The following ASPM variants were observed in gnomAD, a reference collection of about 807,000 sequenced individuals.
The protein encoded by ASPM is assembly factor for spindle microtubules, also known as abnormal spindle-like microcephaly-associated protein.
In ASPM, 256 loss-of-function variants were observed where a neutral mutation model predicts 366.4. That is an observed-to-expected ratio of 0.70 (90% CI 0.63 to 0.77). ASPM has a LOEUF of 0.77. Among genes scored for constraint, ASPM ranks in the 30% least tolerant of loss-of-function variants. The probability of loss-of-function intolerance (pLI) is 0.00; values close to 1 mark genes in which losing one functional copy is unlikely to be tolerated. For missense variants in ASPM, 4,146 were observed against 4,090.4 expected, an observed-to-expected ratio of 1.01 and a Z score of -0.37; for synonymous variants, 1,414 against 1,342.9, an observed-to-expected ratio of 1.05 and a Z score of -1.16.
At chr1:197,111,631 T>C (rs1260033221) in intron 17 of ASPM, among the ~76,000 whole-genome samples, 1 of 152,076 alleles carries the variant, frequency 6.6e-6, no homozygotes, top group African/African-American at 2.4e-5. Flanking sequence ...GATTCATATG[T>C]TCATCGCAGA....
intron 18 of ASPM, 24 bp from the exon 19 acceptor site, chr1:197,096,188 A>C (rs1458904905): frequency 3.9e-6 from 6 of 1,549,348 alleles, no homozygotes; most frequent in Non-Finnish European, 5.3e-6. Context: ...AAATATAACA[A>C]GTATGCAATG....
At chr1:197,118,361 A>T (rs530294393) in intron 16 of ASPM, among the ~76,000 whole-genome samples, 1 of 152,282 alleles carries the variant, frequency 6.6e-6, no homozygotes, top group Non-Finnish European at 1.5e-5. Flanking sequence ...ATTGTATGAA[A>T]AAAAGAATGT....
In ASPM at chr1:197,124,220, T is replaced by C. The variant is rs750253129; in HGVS notation, c.3280A>G (p.Ile1094Val). 5 of 1,610,050 alleles carry C rather than the reference T, an allele frequency of 3.1e-6. No individual in the cohort carries two copies. In the East Asian group the frequency reaches 6.7e-5, roughly 22 times the overall value. ...SLLSCHSDDL[I>V]NKKKGKRDSG... is the part of the protein sequence containing the mutation. ...TCCCTTTTGCCTTTTTTCTTATTAATAAGATCATCAGAATGGCATGATAGT... is the reference window on the plus strand; with the variant it reads ...TCCCTTTTGCCTTTTTTCTTATTAACAAGATCATCAGAATGGCATGATAGT... Residue 1094 changes from isoleucine to valine, a missense_variant, in exon 13 of 28, where the codon ATT becomes GTT. This residue lies in a region of ASPM where 3,624 missense variants were observed against 3,591.7 expected (regional missense o/e 1.01). Transcript: ENST00000367409.
Position 197,143,927 on chromosome 1 carries a change from G to C in ASPM, c.441+30C>G, listed in dbSNP as rs766721588. On this transcript the variant is annotated intron_variant, in intron 2 of 27. Coordinates refer to ENST00000367409, the MANE Select transcript of ASPM (RefSeq NM_018136.5). ...TTATTTATTATTAAACAATTTCTTA[G>C]AGTAAATCACAGAATGGTTAAAACA... 3 of 1,578,318 alleles carry C rather than the reference G, an allele frequency of 1.9e-6. No homozygotes were observed. The South Asian group carries it at 3.4e-5, about 18-fold the overall frequency.
rs761224937 is a variant in ASPM, at chr1:197,143,252, ATTCTAG to A, written c.994_999del (p.Glu333_Leu334del). On this transcript the variant is annotated inframe_deletion, in exon 3 of 28. Transcript: ENST00000367409. ...ATATCTGATGAAAGACATGTTACTA[ATTCTAG>A]TTCATTATTAGCTCCATGACTATTA... is the stretch of plus-strand genomic sequence containing the variant. 6.2e-7 allele frequency: 1 copy of A among 1,612,502 alleles called. No individual in the cohort carries two copies. Among genetic ancestry groups the A allele is most frequent in the Non-Finnish European group, 8.5e-7 (1 of 1,178,716 alleles).
At chr1:197,139,320 G>T in intron 4 of ASPM, 1 of 742,750 alleles carries the variant, frequency 1.3e-6, no homozygotes, top group South Asian at 1.5e-5. Context: ...TTTTTGGCCG[G>T]GCGCGGTGGC....
chr1:197,090,101 A>C lies in ASPM; in HGVS notation c.9830-17T>G, dbSNP rs1266580670. On this transcript the variant is annotated splice_polypyrimidine_tract_variant and intron_variant, in intron 24 of 27. Transcript: ENST00000367409. ...TAACTACCTCTGAAAGAAAAAAAAA[A>C]CACACACACACAGGTAAATTTACAG... 21 of 1,607,470 alleles carry C rather than the reference A, an allele frequency of 1.3e-5. No homozygotes were observed. The highest frequency in any genetic ancestry group is 3.3e-4 in the Middle Eastern group (2 of 6,058).
chr1:197,090,807 G>C, intron 23 of ASPM, 43 bp downstream of exon 23: 1 of 1,557,912 alleles, frequency 6.4e-7, no homozygotes, highest in Non-Finnish European at 8.8e-7. Flanking sequence ...TAGATGAATT[G>C]CAAACTAAAG....
chr1:197,132,223 C>T (rs1658276123), intron 7 of ASPM, 62 bp downstream of exon 7: 11 of 1,257,660 alleles, frequency 8.7e-6, no homozygotes. Flanking sequence ...TAAAATGAGT[C>T]TATTCTACAA....
At chr1:197,120,023 T>G (rs184231617) in intron 16 of ASPM, among the ~76,000 whole-genome samples, 1 of 152,136 alleles carries the variant, frequency 6.6e-6, no homozygotes, top group East Asian at 1.9e-4. Flanking sequence ...GTGAGGTAAT[T>G]GTATAAAAGA....
At chr1:197,086,133 T>C (rs1000041576) in intron 27 of ASPM, among the ~76,000 whole-genome samples, 1 of 152,112 alleles carries the variant, frequency 6.6e-6, no homozygotes, top group African/African-American at 2.4e-5. Context: ...AGTATAATTA[T>C]AAAGCTAATG....
chr1:197,131,303 C>A (rs756039084), intron 7 of ASPM, among the ~76,000 whole-genome samples: 23 of 151,952 alleles, frequency 1.5e-4, no homozygotes, highest in Non-Finnish European at 2.8e-4. Context: ...GGTAAGAAAC[C>A]TAGAAAAAAT....
intron 17 of ASPM, among the ~76,000 whole-genome samples, chr1:197,110,892 G>GAT (rs1220961883): frequency 4.0e-5 from 6 of 151,872 alleles, no homozygotes; most frequent in Non-Finnish European, 8.8e-5. Flanking sequence ...CAGTGCAGAA[G>GAT]ATTAAAATTG....
Position 197,122,278 on chromosome 1 carries a change from C to T in ASPM, c.3622G>A (p.Glu1208Lys), listed in dbSNP as rs1320488101. 1 of 1,613,562 alleles carries T rather than the reference C, an allele frequency of 6.2e-7. No homozygotes were observed. The highest frequency in any genetic ancestry group is 1.3e-5 in the African/African-American group (1 of 74,894). The change falls in exon 15 of 28, where the codon GAG becomes AAG. Residue 1208 changes from glutamate to lysine, a missense_variant. Glu to Lys is a moderately conservative substitution (Grantham distance 56). This residue lies in a region of ASPM where 3,624 missense variants were observed against 3,591.7 expected (regional missense o/e 1.01). Coordinates refer to ENST00000367409, the MANE Select transcript of ASPM (RefSeq NM_018136.5). ...DHENTSELYKELLENEKKNFH... is the reference protein window; with the variant it reads ...DHENTSELYKKLLENEKKNFH... Reference sequence around the variant, plus strand: ...TTTTTCTTTTCATTTTCTAGGAGCTCTTTGTATAGCTCTGAAGTATTTTCT... The same window carrying T: ...TTTTTCTTTTCATTTTCTAGGAGCTTTTTGTATAGCTCTGAAGTATTTTCT...
chr1:197,087,719 A>G (rs981294040), intron 26 of ASPM, among the ~76,000 whole-genome samples: 11 of 152,280 alleles, frequency 7.2e-5, no homozygotes, highest in Non-Finnish European at 1.6e-4. Flanking sequence ...TGGTCTCACT[A>G]TATCCACACA....
intron 1 of ASPM, among the ~76,000 whole-genome samples, chr1:197,145,332 T>C (rs1658732821): frequency 6.6e-6 from 1 of 152,184 alleles, no homozygotes; most frequent in African/African-American, 2.4e-5. Context: ...AAAAGAAAGC[T>C]ACAGGAGTTC....
chr1:197,104,385 G>A lies in ASPM; in HGVS notation c.4866C>T (p.Ala1622=). The A allele has an allele frequency of 6.2e-7, 1 of 1,613,000 alleles. No individual in the cohort carries two copies. The highest frequency in any genetic ancestry group is 8.5e-7 in the Non-Finnish European group (1 of 1,179,404). Residue 1622 remains alanine, a synonymous_variant, in exon 18 of 28, where the codon GCC becomes GCT. Coordinates refer to ENST00000367409, the MANE Select transcript of ASPM (RefSeq NM_018136.5). The part of the protein sequence containing the change: ...IQTHFRAYIF[A]MKVLASYQKT... ...TCTGGTAAGATGCTAGAACTTTCAT[G>A]GCAAAAATATAAGCTCGGAAATGAG... is the stretch of plus-strand genomic sequence containing the variant.
chr1:197,104,223 C>T lies in ASPM; in HGVS notation c.5028G>A (p.Leu1676=). 1.2e-6 allele frequency: 2 copies of T among 1,612,442 alleles called. No homozygotes were observed. Among genetic ancestry groups the T allele is most frequent in the East Asian group, 4.5e-5 (2 of 44,734 alleles). ...YRAYVSKKEF[L]SLKNATIKLQ... ...ATTTTATTGTAGCATTTTTTAGGCT[C>T]AAAAATTCCTTTTTAGAAACATAAG... is the stretch of plus-strand genomic sequence containing the variant. Residue 1676 remains leucine (L), a synonymous_variant, in exon 18 of 28, where the codon TTG becomes TTA. Transcript: ENST00000367409.
intron 1 of ASPM, among the ~76,000 whole-genome samples, chr1:197,145,616 C>T (rs1186599482): frequency 6.6e-6 from 1 of 151,964 alleles, no homozygotes; most frequent in Admixed American, 6.6e-5. Flanking sequence ...TTAAAAAAAG[C>T]TGCTTTAACC....
Sources: allele counts gnomAD v4.1 joint callset (sites outside exome capture counted in the v4.1 genomes callset), GRCh38; gene constraint gnomAD v4.1.1; regional missense constraint gnomAD v4.1.1; transcripts MANE v1.5; gene names NCBI Gene and HGNC (gene_info 2026-07-23, HGNC 2026-07-21).